DOCK2: variants seen among roughly 807,000 people sequenced by gnomAD.
DOCK2 encodes the protein dedicator of cytokinesis 2.
Under a neutral mutation model 248.9 loss-of-function variants are expected in DOCK2, and 87 were observed. That is an observed-to-expected ratio of 0.35 (90% CI 0.29 to 0.42). The LOEUF is 0.42. Ranked by LOEUF, DOCK2 falls within the 10% of genes least tolerant of loss-of-function variation. DOCK2 has a pLI of 1.00. For synonymous variants in DOCK2, 805 were observed against 821.6 expected (o/e 0.98, Z 0.35); for missense variants, 1,747 against 2,300.2 (o/e 0.76, Z 4.92).
intron 41 of DOCK2, among the ~76,000 whole-genome samples, chr5:170,053,728 G>A (rs1757007359): frequency 6.6e-6 from 1 of 152,222 alleles, no homozygotes; most frequent in African/African-American, 2.4e-5. Flanking sequence ...CTTAAGAAGA[G>A]AAATCTATTT....
intron 22 of DOCK2, among the ~76,000 whole-genome samples, chr5:169,725,949 A>AGTG (rs1762449567): frequency 6.6e-6 from 1 of 152,198 alleles, no homozygotes; most frequent in South Asian, 2.1e-4. Context: ...TATTGTGAAT[A>AGTG]GTGCTGCAAT....
chr5:169,787,706 CT>C (rs71575577), intron 25 of DOCK2, among the ~76,000 whole-genome samples: 22,000 of 136,250 alleles, frequency 0.16, 1,549 homozygotes, highest in Admixed American at 0.25. Context: ...TCCACTTTTG[CT>C]TTTTTTTTTT....
chr5:169,686,399 G>A (rs1057458853), intron 8 of DOCK2, among the ~76,000 whole-genome samples: 1 of 152,254 alleles, frequency 6.6e-6, no homozygotes, highest in Non-Finnish European at 1.5e-5. Context: ...CACCTGGCAG[G>A]CCATGCTCAA....
rs1755147545 is a variant in DOCK2 at position 170,008,379 on chromosome 5, A to G, written c.3073-118A>G. 3 of 1,065,070 alleles carry G rather than the reference A, an allele frequency of 2.8e-6. No homozygotes were observed. In the African/African-American group the frequency reaches 4.7e-5, roughly 17 times the overall value. 66.0% of individuals were successfully genotyped at this position (1,065,070 alleles called of 1,614,324 possible). A position where few individuals can be genotyped will look rare whatever the true frequency, so the allele number is the denominator to read the frequency against. ...CAGTTAGAAAATTGCAGTGGGCACAATTAAACTGGTTCGGCCTCTGTCTTC... is the reference window on the plus strand; with the variant it reads ...CAGTTAGAAAATTGCAGTGGGCACAGTTAAACTGGTTCGGCCTCTGTCTTC... On this transcript the variant is annotated intron_variant, in intron 30 of 51. Transcript: ENST00000520908.
chr5:169,888,299 CA>C (rs1773091760), intron 27 of DOCK2, among the ~76,000 whole-genome samples: 2 of 152,172 alleles, frequency 1.3e-5, no homozygotes, highest in African/African-American at 4.8e-5. Context: ...TTTCCCTAGG[CA>C]TTGGTGGTTA....
intron 9 of DOCK2, among the ~76,000 whole-genome samples, chr5:169,691,859 A>T (rs532103242): frequency 3.7e-4 from 47 of 126,544 alleles, no homozygotes; most frequent in African/African-American, 1.5e-3. Context: ...ATTTATTTTT[A>T]TTTATTTTTT....
intron 7 of DOCK2, 107 bp from the exon 8 acceptor site, chr5:169,684,089 C>T: frequency 7.3e-7 from 1 of 1,375,772 alleles, no homozygotes. Flanking sequence ...GGATGGAATG[C>T]CCAAACTTTA....
chr5:169,981,617 T>A (rs887190382), intron 27 of DOCK2, among the ~76,000 whole-genome samples: 17 of 152,154 alleles, frequency 1.1e-4, no homozygotes, highest in Non-Finnish European at 2.1e-4. Context: ...TATGGCAAAG[T>A]TCACTGTTGT....
At chr5:169,902,011 C>G (rs1271214454) in intron 27 of DOCK2, among the ~76,000 whole-genome samples, 1 of 152,194 alleles carries the variant, frequency 6.6e-6, no homozygotes, top group African/African-American at 2.4e-5. Context: ...AGTAAGAGAC[C>G]ACCCAGATGC....
Position 170,034,298 on chromosome 5 carries a change from T to A in DOCK2, c.3468-101T>A. The A allele has an allele frequency of 2.7e-6, 4 of 1,465,640 alleles. No individual in the cohort carries two copies. The South Asian group carries it at 5.3e-5, about 19-fold the overall frequency. 90.8% of individuals were successfully genotyped at this position (1,465,640 alleles called of 1,614,324 possible). ...AAAGGAGCAGTCAGGGAACTTGGGT[T>A]GACTGACTGATTTTGCATGTGCTCC... is the stretch of plus-strand genomic sequence containing the variant. On this transcript the variant is annotated intron_variant, in intron 34 of 51. Coordinates refer to ENST00000520908, the MANE Select transcript of DOCK2 (RefSeq NM_004946.3).
chr5:169,806,098 C>T (rs1320791568), intron 26 of DOCK2, among the ~76,000 whole-genome samples: 3 of 151,990 alleles, frequency 2.0e-5, no homozygotes, highest in Non-Finnish European at 2.9e-5. Flanking sequence ...CATTCAGTAG[C>T]CATGATTACT....
At chr5:169,779,381 G>C (rs6880253) in intron 25 of DOCK2, 11,614 of 152,270 alleles carry the variant, frequency 0.076, 964 homozygotes, top group East Asian at 0.35. Flanking sequence ...GGGGTGGTGG[G>C]GCTTCAGTTT....
intron 30 of DOCK2, among the ~76,000 whole-genome samples, chr5:170,004,054 C>T (rs1203348636): frequency 1.3e-5 from 2 of 152,174 alleles, no homozygotes; most frequent in Non-Finnish European, 2.9e-5. Context: ...CAAAACAAAA[C>T]CAGGTCCACT....
chr5:170,072,355 T>C (rs1203047849), intron 46 of DOCK2, among the ~76,000 whole-genome samples: 8 of 152,246 alleles, frequency 5.3e-5, no homozygotes, highest in Non-Finnish European at 1.2e-4. Context: ...TACTAGAGGT[T>C]TGACTTTTTT....
rs763950012 is a variant in DOCK2 at position 169,835,259 on chromosome 5, G to GTTTTTTTTTTTTTTTTTTTTTTTTTTTT, written c.2704-5498_2704-5497insTTTTTTTTTTTTTTTTTTTTTTTTTTTT. Among the ~76,000 whole-genome samples the GTTTTTTTTTTTTTTTTTTTTTTTTTTTT allele has an allele frequency of 1.4e-5, 2 of 138,610 alleles. 1 individual carries two copies. The highest frequency in any genetic ancestry group is 3.0e-5 in the Non-Finnish European group (2 of 66,280). 90.9% of individuals were successfully genotyped at this position (138,610 alleles called of 152,430 possible). A position where few individuals can be genotyped will look rare whatever the true frequency, so the allele number is the denominator to read the frequency against. ...AGTGGGAGGAAAGAGTGAAATGCCT[G>GTTTTTTTTTTTTTTTTTTTTTTTTTTTT]GTTTTTTTTTTTTTTTTTTTGAGAC... On this transcript the variant is annotated intron_variant, in intron 26 of 51. Transcript: ENST00000520908.
chr5:169,705,242 T>A (rs1027909433), intron 14 of DOCK2, among the ~76,000 whole-genome samples: 4 of 152,166 alleles, frequency 2.6e-5, no homozygotes, highest in African/African-American at 9.7e-5. Flanking sequence ...GAGGGTCACA[T>A]TCAGAGAAGA....
At chr5:169,908,551 A>G (rs967864986) in intron 27 of DOCK2, among the ~76,000 whole-genome samples, 10 of 152,182 alleles carry the variant, frequency 6.6e-5, no homozygotes, top group African/African-American at 2.4e-4. Context: ...ATAAATCCTT[A>G]AAGCATATGG....
intron 26 of DOCK2, among the ~76,000 whole-genome samples, chr5:169,816,284 A>G (rs997228638): frequency 1.3e-5 from 2 of 152,234 alleles, no homozygotes; most frequent in African/African-American, 4.8e-5. Context: ...GGCAGCAGCC[A>G]AAGACTGCAG....
chr5:169,684,119 T>G, intron 7 of DOCK2, 77 bp from the exon 8 acceptor site: 1 of 1,563,644 alleles, frequency 6.4e-7, no homozygotes, highest in Non-Finnish European at 8.7e-7. Flanking sequence ...CCAATATCCT[T>G]GACTATCTCT....
Sources: gnomAD v4.1 joint callset for allele counts (sites outside exome capture counted in the v4.1 genomes callset) on GRCh38, gnomAD v4.1.1 for gene constraint, MANE v1.5 for transcripts, NCBI Gene and HGNC (gene_info 2026-07-23, HGNC 2026-07-21) for gene names.